ZFAT: variants seen among roughly 807,000 people sequenced by gnomAD.
ZFAT encodes the protein zinc finger and AT-hook domain containing.
In ZFAT, 64 loss-of-function variants were observed where a neutral mutation model predicts 117.7. That is an observed-to-expected ratio of 0.54 (90% confidence interval 0.44 to 0.67). ZFAT has a LOEUF of 0.67. ZFAT is among the 30% of genes least tolerant of loss of function. The pLI is 0.00. For synonymous variants in ZFAT, 679 were observed against 615.0 expected, an observed-to-expected ratio of 1.10 and a Z score of -1.54; for missense variants, 1,433 against 1,584.5, an observed-to-expected ratio of 0.90 and a Z score of 1.62.
At chr8:134,693,376 C>T (rs67280714) in intron 1 of ZFAT, among the ~76,000 whole-genome samples, 16,085 of 152,178 alleles carry the variant, frequency 0.11, 1,072 homozygotes, top group Non-Finnish European at 0.16. Context: ...CCAAATTAAA[C>T]AATGAGAAAA....
chr8:134,790,384 T>C, the ZFAT span, among the ~76,000 whole-genome samples: 1 of 152,208 alleles, frequency 6.6e-6, no homozygotes, highest in Non-Finnish European at 1.5e-5. Context: ...TCCTTTAGCC[T>C]GCAGAACATG....
At chr8:134,495,670 C>T (rs1216155253) in intron 15 of ZFAT, among the ~76,000 whole-genome samples, 1 of 152,190 alleles carries the variant, frequency 6.6e-6, no homozygotes, top group African/African-American at 2.4e-5. Flanking sequence ...TGGCTCACGC[C>T]TGTAATCCCA....
chr8:134,817,451 G>A, the ZFAT span, among the ~76,000 whole-genome samples: 1 of 75,830 alleles, frequency 1.3e-5, no homozygotes, highest in Non-Finnish European at 2.8e-5. Context: ...CACCCTTATT[G>A]ATTGTTTCTC....
At position 134,478,767 on chromosome 8, in the gene ZFAT, G is replaced by T; in HGVS notation, c.3493-46C>A. ...AAAGGTCACCCAGCGCCTACTTCCC[G>T]GTCCAGCGTAACAACAAAGTCACAA... On this transcript the variant is annotated intron_variant, in intron 15 of 15. Transcript: ENST00000377838. The surrounding 1 kb of genome is among the most constrained non-coding windows in gnomAD (Gnocchi z 5.2). The T allele has an allele frequency of 1.3e-6, 2 of 1,526,264 alleles. No homozygotes were observed. Among genetic ancestry groups the T allele is most frequent in the South Asian group, 1.2e-5 (1 of 83,188 alleles). 94.5% of individuals were successfully genotyped at this position (1,526,264 alleles called of 1,614,324 possible).
At chr8:134,708,218 A>C (rs934501686) in intron 1 of ZFAT, among the ~76,000 whole-genome samples, 8 of 152,246 alleles carry the variant, frequency 5.3e-5, no homozygotes, top group African/African-American at 1.9e-4. Flanking sequence ...AAGGCTACAA[A>C]GCCTCAATTA....
the ZFAT span, among the ~76,000 whole-genome samples, chr8:134,781,707 A>G: frequency 0.36 from 54,249 of 151,734 alleles, 10,118 homozygotes; most frequent in East Asian, 0.6. Flanking sequence ...CTCCTTTTCT[A>G]CCTCTTCTGC....
the ZFAT span, among the ~76,000 whole-genome samples, chr8:134,804,554 T>C: frequency 2.6e-5 from 4 of 152,208 alleles, no homozygotes; most frequent in African/African-American, 7.2e-5. Context: ...TCCTGAATTG[T>C]TGGGATGTTA....
intron 1 of ZFAT, among the ~76,000 whole-genome samples, chr8:134,669,851 G>A (rs1381538260): frequency 6.6e-6 from 1 of 152,160 alleles, no homozygotes; most frequent in Non-Finnish European, 1.5e-5. Flanking sequence ...CTGTATTCAG[G>A]AGACCCATCT....
At chr8:134,502,256 G>A (rs1229962051) in intron 15 of ZFAT, among the ~76,000 whole-genome samples, 1 of 152,168 alleles carries the variant, frequency 6.6e-6, no homozygotes, top group Non-Finnish European at 1.5e-5. Context: ...GGCTGCACTT[G>A]AGAAGTCCCT....
At chr8:134,579,563 A>G (rs1222176147) in intron 10 of ZFAT, among the ~76,000 whole-genome samples, 1 of 152,200 alleles carries the variant, frequency 6.6e-6, no homozygotes, top group Non-Finnish European at 1.5e-5. Flanking sequence ...GGGAGCTACA[A>G]TTCAAGATGA....
chr8:134,642,314 T>C (rs1033721582), intron 2 of ZFAT, among the ~76,000 whole-genome samples: 31 of 152,190 alleles, frequency 2.0e-4, no homozygotes, highest in African/African-American at 7.2e-4. Context: ...GAATGCTGGC[T>C]TGGAGCTGGA....
intron 1 of ZFAT, among the ~76,000 whole-genome samples, chr8:134,703,856 G>A (rs1419806716): frequency 6.6e-6 from 1 of 152,164 alleles, no homozygotes; most frequent in African/African-American, 2.4e-5. Flanking sequence ...GAAAGAAGGT[G>A]AAGACTGACA....
chr8:134,707,994 C>T lies in ZFAT; in HGVS notation c.19+4851G>A, dbSNP rs548518148. On this transcript the variant is annotated intron_variant, in intron 1 of 15. Transcript: ENST00000377838. ...TTTTTAATGTGGGACATATACACAACGGAATATTATTCAGCTGTAAAAAAG... is the reference window on the plus strand; with the variant it reads ...TTTTTAATGTGGGACATATACACAATGGAATATTATTCAGCTGTAAAAAAG... Among the ~76,000 whole-genome samples the T allele has an allele frequency of 5.3e-5, 8 of 151,702 alleles. No homozygotes were observed. The East Asian group carries it at 1.2e-3, about 22-fold the overall frequency.
At chr8:134,538,563 T>C (rs1822011650) in intron 11 of ZFAT, among the ~76,000 whole-genome samples, 1 of 152,152 alleles carries the variant, frequency 6.6e-6, no homozygotes, top group African/African-American at 2.4e-5. Context: ...TTTGGGAGGC[T>C]GAGGCGGGCA....
chr8:134,603,984 T>C (rs1272806961), intron 5 of ZFAT, among the ~76,000 whole-genome samples: 2 of 152,242 alleles, frequency 1.3e-5, no homozygotes, highest in Non-Finnish European at 2.9e-5. Context: ...ATTCCATTTA[T>C]TCATAAATGG....
chr8:134,762,603 T>G, the ZFAT span, among the ~76,000 whole-genome samples: 4 of 152,238 alleles, frequency 2.6e-5, no homozygotes, highest in Non-Finnish European at 5.9e-5. Flanking sequence ...GTTGAAGTGC[T>G]TTGGGATTTG....
chr8:134,654,690 C>T lies in ZFAT; in HGVS notation c.196+2871G>A, dbSNP rs115416812. On this transcript the variant is annotated intron_variant, in intron 2 of 15. Coordinates refer to ENST00000377838, the MANE Select transcript of ZFAT (RefSeq NM_020863.4). The stretch of plus-strand genomic sequence containing the variant: ...AAGTTTCTTGAGCAAAGGGTGACAG[C>T]TGGGACGGAGGGAGGGCAGCAAGGC... Among the ~76,000 whole-genome samples the T allele has an allele frequency of 8.0e-3, 1,223 of 152,290 alleles. 12 individuals are homozygous for T. Among genetic ancestry groups the T allele is most frequent in the African/African-American group, 0.028 (1,172 of 41,556 alleles).
At chr8:134,707,134 T>C (rs1204498880) in intron 1 of ZFAT, among the ~76,000 whole-genome samples, 1 of 152,138 alleles carries the variant, frequency 6.6e-6, no homozygotes, top group African/African-American at 2.4e-5. Context: ...CTGTCCTTTC[T>C]ACAGGGCACC....
At chr8:134,578,242 A>T (rs944738280) in intron 10 of ZFAT, among the ~76,000 whole-genome samples, 1 of 151,914 alleles carries the variant, frequency 6.6e-6, no homozygotes, top group African/African-American at 2.4e-5. Flanking sequence ...GTGAAACCCC[A>T]TCTCTACTAA....
Sources: allele counts gnomAD v4.1 joint callset (sites outside exome capture counted in the v4.1 genomes callset), GRCh38; gene constraint gnomAD v4.1.1; non-coding constraint Gnocchi (gnomAD v3.1); transcripts MANE v1.5; gene names NCBI Gene and HGNC (gene_info 2026-07-23, HGNC 2026-07-21).